SGCD: variants seen among roughly 807,000 people sequenced by gnomAD.
The protein encoded by SGCD is sarcoglycan delta, also known as delta-sarcoglycan.
Under a neutral mutation model 36.6 loss-of-function variants are expected in SGCD, and 18 were observed. The ratio of observed to expected loss-of-function variants is 0.49; its 90% CI spans 0.34 to 0.73. The LOEUF (loss-of-function observed/expected upper bound fraction) is 0.73. SGCD is among the 30% of genes least tolerant of loss of function. The probability of loss-of-function intolerance (pLI) is 0.01; values close to 1 mark genes in which losing one functional copy is unlikely to be tolerated. For missense variants in SGCD, 387 were observed against 346.7 expected (o/e 1.12, Z -0.92); for synonymous variants, 133 against 130.6 (o/e 1.02, Z -0.12).
chr5:155,767,885 A>G, the SGCD span, among the ~76,000 whole-genome samples: 1,457 of 152,266 alleles, frequency 9.6e-3, 21 homozygotes, highest in African/African-American at 0.033. Context: ...TTTGTTTAAT[A>G]TATTTATTTG....
At chr5:156,189,801 C>G (rs1349566013) in intron 3 of SGCD, among the ~76,000 whole-genome samples, 5 of 152,122 alleles carry the variant, frequency 3.3e-5, no homozygotes, top group Non-Finnish European at 7.4e-5. Context: ...CGTATTAAAG[C>G]GCCTTGTGAC....
the SGCD span, among the ~76,000 whole-genome samples, chr5:155,849,833 A>G: frequency 6.6e-6 from 1 of 152,238 alleles, no homozygotes. Flanking sequence ...TGGCAGAAGT[A>G]CAAATGTTAG....
intron 7 of SGCD, among the ~76,000 whole-genome samples, chr5:156,670,889 A>G (rs1319731634): frequency 2.0e-5 from 3 of 152,162 alleles, no homozygotes; most frequent in African/African-American, 7.2e-5. Context: ...TTTCAAAGCA[A>G]TAGCATTCAT....
chr5:156,538,619 A>G (rs1758219928), intron 4 of SGCD, among the ~76,000 whole-genome samples: 1 of 152,134 alleles, frequency 6.6e-6, no homozygotes, highest in Non-Finnish European at 1.5e-5. Flanking sequence ...TTTGCTTGGT[A>G]TATAACACTT....
At chr5:156,102,821 C>G (rs114087267) in intron 1 of SGCD, among the ~76,000 whole-genome samples, 60 of 152,014 alleles carry the variant, frequency 3.9e-4, no homozygotes, top group African/African-American at 1.3e-3. Context: ...TGGGTGTGTG[C>G]GTATATACTT....
chr5:156,625,338 C>T (rs1377859750), intron 6 of SGCD, among the ~76,000 whole-genome samples: 1 of 152,022 alleles, frequency 6.6e-6, no homozygotes, highest in Non-Finnish European at 1.5e-5. Context: ...TAATTAGATA[C>T]AGTTGCCAAC....
intron 3 of SGCD, among the ~76,000 whole-genome samples, chr5:156,128,782 C>T (rs1762241773): frequency 6.6e-6 from 1 of 152,136 alleles, no homozygotes; most frequent in Non-Finnish European, 1.5e-5. Context: ...GTTTCCAGAA[C>T]TGTGAGTCAA....
intron 1 of SGCD, among the ~76,000 whole-genome samples, chr5:156,011,828 T>TA (rs1167644159): frequency 6.6e-6 from 1 of 152,194 alleles, no homozygotes; most frequent in Non-Finnish European, 1.5e-5. Flanking sequence ...ACCAGGCAGA[T>TA]GGATGCTTTG....
chr5:155,971,831 C>A (rs919753801), intron 1 of SGCD, among the ~76,000 whole-genome samples: 13 of 152,058 alleles, frequency 8.5e-5, no homozygotes, highest in African/African-American at 3.1e-4. Context: ...ATCATTCGTG[C>A]CACTTTACTT....
chr5:156,504,642 C>T (rs139114937), intron 3 of SGCD, among the ~76,000 whole-genome samples: 110 of 152,066 alleles, frequency 7.2e-4, no homozygotes, highest in Non-Finnish European at 9.4e-4. Flanking sequence ...GACATGGTGA[C>T]GAACAACTCT....
intron 1 of SGCD, among the ~76,000 whole-genome samples, chr5:155,895,462 G>A (rs1193918635): frequency 1.3e-5 from 2 of 152,124 alleles, no homozygotes; most frequent in African/African-American, 2.4e-5. Flanking sequence ...CTTATTGCTT[G>A]AATTTAAAAT....
At chr5:156,755,415 A>G (rs1757299791) in intron 7 of SGCD, among the ~76,000 whole-genome samples, 1 of 152,234 alleles carries the variant, frequency 6.6e-6, no homozygotes. Context: ...TGTGTGCATC[A>G]ATCAGACTGT....
the SGCD span, among the ~76,000 whole-genome samples, chr5:155,861,582 G>C: frequency 6.6e-6 from 1 of 152,170 alleles, no homozygotes; most frequent in Non-Finnish European, 1.5e-5. Flanking sequence ...GCTGGGTATG[G>C]TGGCATGCGC....
At chr5:156,491,305 A>T (rs1167214591) in intron 3 of SGCD, among the ~76,000 whole-genome samples, 2 of 152,172 alleles carry the variant, frequency 1.3e-5, no homozygotes, top group African/African-American at 4.8e-5. Flanking sequence ...TCCCTATCAA[A>T]ATACCAATGA....
intron 1 of SGCD, among the ~76,000 whole-genome samples, chr5:156,027,631 C>T (rs1285684425): frequency 6.6e-6 from 1 of 151,886 alleles, no homozygotes; most frequent in Non-Finnish European, 1.5e-5. Context: ...GGTAGGTACT[C>T]AATATGCTGA....
intron 1 of SGCD, among the ~76,000 whole-genome samples, chr5:156,074,051 G>A (rs919037673): frequency 2.6e-5 from 4 of 152,236 alleles, no homozygotes; most frequent in African/African-American, 9.6e-5. Context: ...TAGGAATAAG[G>A]AAGAGAAATG....
intron 1 of SGCD, among the ~76,000 whole-genome samples, chr5:156,054,981 G>A (rs1760024290): frequency 6.8e-6 from 1 of 146,112 alleles, no homozygotes; most frequent in Non-Finnish European, 1.5e-5. Context: ...TATAGGTGTG[G>A]TCCAAAAGGA....
chr5:156,731,084 T>C (rs975389227), intron 7 of SGCD, among the ~76,000 whole-genome samples: 1 of 152,190 alleles, frequency 6.6e-6, no homozygotes, highest in Non-Finnish European at 1.5e-5. Context: ...TGCCTACTTT[T>C]AACGAGGTTT....
At chr5:156,373,358 T>C (rs1290876701) in intron 3 of SGCD, among the ~76,000 whole-genome samples, 1 of 152,242 alleles carries the variant, frequency 6.6e-6, no homozygotes, top group Non-Finnish European at 1.5e-5. Context: ...AGTTTTAATG[T>C]TCCCTCTTTG....
Sources: allele counts gnomAD v4.1 joint callset (sites outside exome capture counted in the v4.1 genomes callset), GRCh38; gene constraint gnomAD v4.1.1; transcripts MANE v1.5; gene names NCBI Gene and HGNC (gene_info 2026-07-23, HGNC 2026-07-21).